Variants in RGS8 observed in about 807,000 individuals in gnomAD.
RGS8 encodes regulator of G-protein signaling 8.
Under a neutral mutation model 21.7 loss-of-function variants are expected in RGS8, and 8 were observed. The observed-to-expected ratio is 0.37, with a 90% confidence interval of 0.22 to 0.66. The LOEUF is 0.66. RGS8 is among the 30% of genes least tolerant of loss of function. RGS8 has a pLI of 0.59. For synonymous variants in RGS8, 80 were observed against 83.6 expected (o/e 0.96, Z 0.24); for missense variants, 157 against 217.9 (o/e 0.72, Z 1.76).
chr1:182,655,098 C>A (rs1315103423), intron 5 of RGS8, among the ~76,000 whole-genome samples: 1 of 152,228 alleles, frequency 6.6e-6, no homozygotes, highest in Non-Finnish European at 1.5e-5. Flanking sequence ...ATATTTTCAC[C>A]ACTTTTTAGG....
the RGS8 span, among the ~76,000 whole-genome samples, chr1:182,720,977 ATATATACACATATATATGTGTG>A: frequency 2.7e-4 from 22 of 81,338 alleles, no homozygotes; most frequent in Admixed American, 1.2e-3. Flanking sequence ...GTATATATAC[ATATATACACATATATATGTGTG>A]TATATATACA....
At chr1:182,750,468 T>G in the RGS8 span, among the ~76,000 whole-genome samples, 647 of 152,330 alleles carry the variant, frequency 4.2e-3, 10 homozygotes, top group African/African-American at 0.015. Context: ...AAATACCCTA[T>G]GTCTTAGGTT....
chr1:182,657,863 C>T (rs1557888051), intron 5 of RGS8, among the ~76,000 whole-genome samples: 1 of 152,174 alleles, frequency 6.6e-6, no homozygotes, highest in East Asian at 1.9e-4. Flanking sequence ...AAGGAGTCAT[C>T]ATACAGAACA....
At chr1:182,648,200 T>C (rs748807541) in exon 6 of RGS8, 1 of 1,613,818 alleles carries the variant, frequency 6.2e-7, no homozygotes, top group South Asian at 1.1e-5. Flanking sequence ...AGACCAGTTT[T>C]GCAGTTGACC....
chr1:182,712,122 G>T, the RGS8 span, among the ~76,000 whole-genome samples: 3 of 152,288 alleles, frequency 2.0e-5, no homozygotes, highest in East Asian at 5.8e-4. Flanking sequence ...ATAGTAGGGG[G>T]AAGAGCTGGA....
intron 5 of RGS8, among the ~76,000 whole-genome samples, chr1:182,665,143 T>C (rs1663790990): frequency 6.6e-6 from 1 of 152,218 alleles, no homozygotes; most frequent in African/African-American, 2.4e-5. Context: ...TGCGACATAT[T>C]TAAGAGGAGC....
chr1:182,710,212 C>T, the RGS8 span, among the ~76,000 whole-genome samples: 2 of 152,124 alleles, frequency 1.3e-5, no homozygotes, highest in Non-Finnish European at 2.9e-5. Context: ...AAATAAGGTC[C>T]CCTGGCCAAA....
chr1:182,643,471 GGGACCT>G (rs1408404084), downstream of RGS8: 2 of 152,070 alleles, frequency 1.3e-5, no homozygotes, highest in African/African-American at 4.8e-5. Context: ...GTTCTGGGGT[GGGACCT>G]GGACATCTGG....
At chr1:182,678,256 TCTTGA>T (rs1390474768) in intron 1 of RGS8, among the ~76,000 whole-genome samples, 1 of 152,232 alleles carries the variant, frequency 6.6e-6, no homozygotes, top group Non-Finnish European at 1.5e-5. Flanking sequence ...TGTTCTGTTC[TCTTGA>T]CTTGTGTATA....
the RGS8 span, among the ~76,000 whole-genome samples, chr1:182,707,048 A>G: frequency 4.6e-5 from 7 of 151,896 alleles, no homozygotes; most frequent in African/African-American, 1.7e-4. Flanking sequence ...AATCCCAGCT[A>G]CTCGGGAGGC....
chr1:182,718,990 A>G, the RGS8 span, among the ~76,000 whole-genome samples: 1 of 152,282 alleles, frequency 6.6e-6, no homozygotes, highest in Admixed American at 6.5e-5. Context: ...TTTTTCCCAA[A>G]TAACAGTTTC....
chr1:182,744,572 G>T, the RGS8 span, among the ~76,000 whole-genome samples: 1 of 152,196 alleles, frequency 6.6e-6, no homozygotes, highest in Non-Finnish European at 1.5e-5. Context: ...TTGTAACGTT[G>T]TAGTAACGTA....
the RGS8 span, among the ~76,000 whole-genome samples, chr1:182,747,568 A>G: frequency 3.3e-5 from 5 of 152,166 alleles, no homozygotes; most frequent in South Asian, 2.1e-4. Context: ...TGAGCCAGCT[A>G]TGGGAGATTG....
intron 5 of RGS8, among the ~76,000 whole-genome samples, chr1:182,653,979 T>G (rs1455647861): frequency 2.0e-5 from 3 of 151,776 alleles, no homozygotes; most frequent in Non-Finnish European, 4.4e-5. Context: ...TTTACTTATT[T>G]ATTTAGGATG....
chr1:182,652,029 T>A (rs1399460305), intron 5 of RGS8, among the ~76,000 whole-genome samples: 1 of 152,212 alleles, frequency 6.6e-6, no homozygotes, highest in African/African-American at 2.4e-5. Context: ...CATTTTCCAC[T>A]GTATTCAGTG....
At chr1:182,669,846 T>C in intron 2 of RGS8, 94 bp from the exon 4 acceptor site, 2 of 1,343,690 alleles carry the variant, frequency 1.5e-6, no homozygotes, top group Non-Finnish European at 2.0e-6. Flanking sequence ...GCGGAACACC[T>C]CCCCACACAC....
At chr1:182,643,836 G>C (rs1435314236), downstream of RGS8, 3 of 152,352 alleles carry the variant, frequency 2.0e-5, no homozygotes, top group Non-Finnish European at 2.9e-5. Flanking sequence ...CCCCAAACAA[G>C]TTAGCCCTCC....
At chr1:182,721,910 T>C in the RGS8 span, among the ~76,000 whole-genome samples, 1 of 152,282 alleles carries the variant, frequency 6.6e-6, no homozygotes, top group Non-Finnish European at 1.5e-5. Context: ...TTTGGTATCA[T>C]TAATGTCTAG....
At chr1:182,672,276 A>G (rs556813784), upstream of RGS8, 170 of 176,652 alleles carry the variant, frequency 9.6e-4, 1 homozygote, top group Admixed American at 2.8e-3. Flanking sequence ...AGCTGCTGAC[A>G]GCAGGAGCCA....
Sources: allele counts gnomAD v4.1 joint callset (sites outside exome capture counted in the v4.1 genomes callset), GRCh38; gene constraint gnomAD v4.1.1; transcripts MANE v1.5; gene names NCBI Gene and HGNC (gene_info 2026-07-23, HGNC 2026-07-21).